ASCC3: variants seen among roughly 807,000 people sequenced by gnomAD.
ASCC3 encodes ASC-1 complex subunit P200.
A neutral mutation model predicts 256.3 loss-of-function variants in ASCC3; 158 were observed. The ratio of observed to expected loss-of-function variants is 0.62; its 90% CI spans 0.54 to 0.70. ASCC3 has a LOEUF of 0.70. Ranked by LOEUF, ASCC3 falls within the 30% of genes least tolerant of loss-of-function variation. ASCC3 has a pLI of 0.00. For synonymous variants in ASCC3, 948 were observed against 883.4 expected (o/e 1.07, Z -1.30); for missense variants, 2,259 against 2,626.0 (o/e 0.86, Z 3.05).
At chr6:100,520,721 C>T (rs994986254) in intron 37 of ASCC3, among the ~76,000 whole-genome samples, 2 of 152,122 alleles carry the variant, frequency 1.3e-5, no homozygotes, top group African/African-American at 4.8e-5. Flanking sequence ...CAATTTCCTA[C>T]AGTATTCAGT....
intron 18 of ASCC3, among the ~76,000 whole-genome samples, chr6:100,651,946 G>A (rs765353924): frequency 4.6e-5 from 7 of 151,994 alleles, no homozygotes; most frequent in Non-Finnish European, 7.4e-5. Flanking sequence ...TAAAATTCTG[G>A]TTTGTGCTTA....
chr6:100,814,509 T>C (rs1039826317), intron 4 of ASCC3, among the ~76,000 whole-genome samples: 5 of 152,116 alleles, frequency 3.3e-5, no homozygotes, highest in African/African-American at 4.8e-5. Flanking sequence ...ATGGTTTCAA[T>C]AGAAATGGTA....
chr6:100,701,569 C>T (rs1414899947), intron 13 of ASCC3, among the ~76,000 whole-genome samples: 1 of 152,124 alleles, frequency 6.6e-6, no homozygotes, highest in East Asian at 1.9e-4. Context: ...AATGCATCCC[C>T]ATGCATTAAG....
Position 100,565,910 on chromosome 6 carries a change from CTG to C in ASCC3, c.5550+23722_5550+23723del, listed in dbSNP as rs202027278. ...ACTTGGCAGCATAATAGTCACAAGACTGTGTACTTTTTTTTATTCCTCCAAGC... is the reference window on the plus strand; with the variant it reads ...ACTTGGCAGCATAATAGTCACAAGACTGTACTTTTTTTTATTCCTCCAAGC... On this transcript the variant is annotated intron_variant, in intron 36 of 41. Coordinates refer to ENST00000369162, the MANE Select transcript of ASCC3 (RefSeq NM_006828.4). 5.2e-4 allele frequency among the ~76,000 whole-genome samples: 79 copies of C among 152,180 alleles called. No homozygotes were observed. The East Asian group carries it at 0.014, about 28-fold the overall frequency.
intron 13 of ASCC3, among the ~76,000 whole-genome samples, chr6:100,695,741 G>C (rs1290498337): frequency 6.6e-6 from 1 of 152,146 alleles, no homozygotes. Flanking sequence ...CTCCAGAGGA[G>C]AGGATGAACA....
chr6:100,820,805 A>G (rs943462893), intron 4 of ASCC3, among the ~76,000 whole-genome samples: 1 of 152,186 alleles, frequency 6.6e-6, no homozygotes, highest in Non-Finnish European at 1.5e-5. Context: ...AGAAAACCCA[A>G]TATAAAAATG....
intron 4 of ASCC3, among the ~76,000 whole-genome samples, chr6:100,832,065 A>G (rs1771648299): frequency 6.6e-6 from 1 of 152,176 alleles, no homozygotes. Context: ...TGGAAGATAT[A>G]GAGTGAGAGG....
intron 3 of ASCC3, chr6:100,856,567 G>T: frequency 5.6e-6 from 2 of 356,432 alleles, no homozygotes; most frequent in African/African-American, 2.2e-5. Flanking sequence ...TGTGTAATCT[G>T]GTTAACTACT....
chr6:100,601,199 G>A (rs1023738358), intron 34 of ASCC3, among the ~76,000 whole-genome samples: 3 of 152,064 alleles, frequency 2.0e-5, no homozygotes, highest in East Asian at 1.9e-4. Context: ...CTTGAATATC[G>A]TTCTACTAGA....
intron 30 of ASCC3, among the ~76,000 whole-genome samples, chr6:100,623,766 A>G (rs1002671011): frequency 2.0e-5 from 3 of 152,196 alleles, no homozygotes; most frequent in Non-Finnish European, 4.4e-5. Context: ...TATTAAATCT[A>G]TAGAGAGGAG....
In ASCC3 at chr6:100,539,147, C is replaced by A. The variant is rs535328689; in HGVS notation, c.5775+1016G>T. ...TCTGACCAGTTTTAATCAACCTCAC[C>A]CATACTAACCTGCTCAAACCACCAT... On this transcript the variant is annotated intron_variant, in intron 37 of 41. Coordinates refer to ENST00000369162, the MANE Select transcript of ASCC3 (RefSeq NM_006828.4). Among the ~76,000 whole-genome samples the A allele has an allele frequency of 5.3e-5, 8 of 152,200 alleles. 1 individual carries two copies. Among genetic ancestry groups the A allele is most frequent in the African/African-American group, 1.9e-4 (8 of 41,550 alleles).
At chr6:100,741,607 C>T (rs1333800299) in intron 10 of ASCC3, among the ~76,000 whole-genome samples, 1 of 152,124 alleles carries the variant, frequency 6.6e-6, no homozygotes, top group Non-Finnish European at 1.5e-5. Context: ...CTATTCTTCT[C>T]TGCCTGTCTT....
intron 4 of ASCC3, among the ~76,000 whole-genome samples, chr6:100,823,002 CCA>C (rs1771127438): frequency 6.6e-6 from 1 of 152,048 alleles, no homozygotes; most frequent in South Asian, 2.1e-4. Flanking sequence ...CATAGGATCA[CCA>C]CACAAAAAAG....
chr6:100,593,064 T>A lies in ASCC3; in HGVS notation c.5304-3005A>T, dbSNP rs543606176. Among the ~76,000 whole-genome samples, 4 of 152,278 alleles carry A rather than the reference T, an allele frequency of 2.6e-5. No individual in the cohort carries two copies. The South Asian group carries it at 8.3e-4, about 32-fold the overall frequency. ...CTCTAATTTATGAGACTGAGCTCTG[T>A]AAGACTTCTCTATATTGGACTCAAC... is the stretch of plus-strand genomic sequence containing the variant. On this transcript the variant is annotated intron_variant, in intron 34 of 41. Transcript: ENST00000369162.
chr6:100,662,644 A>G, intron 14 of ASCC3, 108 bp from the exon 15 acceptor site: 1 of 982,524 alleles, frequency 1.0e-6, no homozygotes, highest in Non-Finnish European at 1.6e-6. Context: ...ATTTTTAAGC[A>G]TCTTAAGGTA....
Position 100,805,792 on chromosome 6 carries a change from G to T in ASCC3, c.890C>A (p.Ser297Tyr), listed in dbSNP as rs1319705944. 12 of 1,611,092 alleles carry T rather than the reference G, an allele frequency of 7.4e-6. No homozygotes were observed. The Admixed American group carries it at 1.0e-4, about 13-fold the overall frequency. ...AGCCTGAAACCTATGATCATTTGAA[G>T]AATTAAGAAATCTATCCACAATTGT... ...RITIVDRFLN[S>Y]SNDHRFQALQ... The change falls in exon 5 of 42, where the codon TCT becomes TAT. Residue 297 changes from serine to tyrosine, a missense_variant. This residue lies in a region of ASCC3 where 420 missense variants were observed against 419.3 expected (regional missense o/e 1.00). Coordinates refer to ENST00000369162, the MANE Select transcript of ASCC3 (RefSeq NM_006828.4).
chr6:100,582,759 C>G (rs541295329), intron 36 of ASCC3, among the ~76,000 whole-genome samples: 27 of 152,084 alleles, frequency 1.8e-4, no homozygotes, highest in Admixed American at 5.9e-4. Flanking sequence ...GAGATATGCC[C>G]CATCAATACC....
Position 100,650,558 on chromosome 6 carries a change from C to A in ASCC3, c.3232G>T (p.Asp1078Tyr). ...GEMDSFSLIS[D>Y]SAYVAQNAAR... is the part of the protein sequence containing the mutation. The stretch of plus-strand genomic sequence containing the variant: ...CTTACCTGTGCAACATATGCAGAAT[C>A]TGATATAAGGGAGAAACTGTCCATT... Residue 1078 changes from aspartate to tyrosine, a missense_variant, in exon 20 of 42, where the codon GAT becomes TAT. Physicochemically the swap from Asp to Tyr is radical, Grantham distance 160. Coordinates refer to ENST00000369162, the MANE Select transcript of ASCC3 (RefSeq NM_006828.4). 6.2e-7 allele frequency: 1 copy of A among 1,612,554 alleles called. No individual in the cohort carries two copies. The highest frequency in any genetic ancestry group is 8.5e-7 in the Non-Finnish European group (1 of 1,178,988).
intron 32 of ASCC3, among the ~76,000 whole-genome samples, chr6:100,606,481 C>T (rs1028388919): frequency 4.6e-5 from 7 of 152,054 alleles, no homozygotes; most frequent in African/African-American, 1.7e-4. Context: ...AATTTGAAAC[C>T]AACTTTGGAT....
Sources: allele counts gnomAD v4.1 joint callset (sites outside exome capture counted in the v4.1 genomes callset), GRCh38; gene constraint gnomAD v4.1.1; regional missense constraint gnomAD v4.1.1; transcripts MANE v1.5; gene names NCBI Gene and HGNC (gene_info 2026-07-23, HGNC 2026-07-21).